Variants in CELF2 observed in about 807,000 individuals in gnomAD.
CELF2 encodes CUG triplet repeat RNA-binding protein 2.
Under a neutral mutation model 62.6 loss-of-function variants are expected in CELF2, and 8 were observed. The ratio of observed to expected loss-of-function variants is 0.13; its 90% CI spans 0.07 to 0.23. The LOEUF (loss-of-function observed/expected upper bound fraction) is 0.23. CELF2 is among the 10% of genes least tolerant of loss of function. The pLI is 1.00. For synonymous variants in CELF2, 258 were observed against 250.0 expected (o/e 1.03, Z -0.30); for missense variants, 333 against 671.0 (o/e 0.50, Z 5.56).
chr10:10,564,014 T>C, the CELF2 span, among the ~76,000 whole-genome samples: 1 of 152,216 alleles, frequency 6.6e-6, no homozygotes, highest in South Asian at 2.1e-4. Context: ...GTGTTTGTTT[T>C]CTCATTAAAA....
chr10:10,837,263 T>TGATATTTTTAA (rs1316482376), intron 1 of CELF2, among the ~76,000 whole-genome samples: 3 of 152,206 alleles, frequency 2.0e-5, no homozygotes, highest in Non-Finnish European at 4.4e-5. Context: ...TGAGATCTAA[T>TGATATTTTTAA]GATATTTTTA....
rs76747601 is a variant in CELF2, at chr10:11,126,111, C to G, written c.75-39375C>G. On this transcript the variant is annotated intron_variant, in intron 1 of 12. Coordinates refer to ENST00000633077, the MANE Select transcript of CELF2 (RefSeq NM_001326342.2). ...CCTTTGAGTAGTCAAGATACGCTGT[C>G]TGGAAGACAATGACCAAGTAAGGAT... Among the ~76,000 whole-genome samples the G allele has an allele frequency of 7.5e-3, 1,142 of 152,352 alleles. 12 individuals are homozygous for G. The highest frequency in any genetic ancestry group is 0.026 in the African/African-American group (1,099 of 41,586).
the CELF2 span, among the ~76,000 whole-genome samples, chr10:10,638,691 A>T: frequency 6.6e-6 from 1 of 152,228 alleles, no homozygotes; most frequent in Non-Finnish European, 1.5e-5. Flanking sequence ...ACAAGTCATT[A>T]GCCACAGGTG....
At chr10:10,905,747 G>A (rs989855590) in intron 1 of CELF2, among the ~76,000 whole-genome samples, 10 of 152,068 alleles carry the variant, frequency 6.6e-5, no homozygotes, top group Admixed American at 2.0e-4. Context: ...GTGTGGTGGC[G>A]GGCAACTGTA....
intron 4 of CELF2, among the ~76,000 whole-genome samples, chr10:11,250,996 T>C (rs2076955258): frequency 6.6e-6 from 1 of 152,166 alleles, no homozygotes; most frequent in African/African-American, 2.4e-5. Flanking sequence ...ACTTCCTTGG[T>C]GGGAGACACG....
At chr10:10,880,929 G>A (rs971605624) in intron 1 of CELF2, among the ~76,000 whole-genome samples, 1 of 152,140 alleles carries the variant, frequency 6.6e-6, no homozygotes, top group Non-Finnish European at 1.5e-5. Context: ...AAGGATTCAA[G>A]GACTACCATT....
intron 2 of CELF2, among the ~76,000 whole-genome samples, chr10:11,208,236 C>A (rs2060908443): frequency 6.6e-6 from 1 of 151,720 alleles, no homozygotes; most frequent in Non-Finnish European, 1.5e-5. Flanking sequence ...AAGAGAAAAC[C>A]TCCCCTTGGC....
chr10:10,800,343 G>T (rs567393920), intron 1 of CELF2, among the ~76,000 whole-genome samples: 2 of 151,890 alleles, frequency 1.3e-5, no homozygotes. Context: ...ATAAAGCACC[G>T]TAATATTAAT....
chr10:10,476,824 A>C, the CELF2 span, among the ~76,000 whole-genome samples: 2 of 152,140 alleles, frequency 1.3e-5, no homozygotes, highest in African/African-American at 4.8e-5. Context: ...CAGAGTTAGC[A>C]AACTATCAGT....
chr10:11,138,716 T>C (rs915442314), intron 1 of CELF2, among the ~76,000 whole-genome samples: 1 of 152,252 alleles, frequency 6.6e-6, no homozygotes, highest in South Asian at 2.1e-4. Flanking sequence ...GAAGCCAAGA[T>C]GCTAAAATGA....
In CELF2 at chr10:11,028,763, A is replaced by T. The variant is rs1167074310; in HGVS notation, c.74+10600A>T. On this transcript the variant is annotated intron_variant, in intron 1 of 12. Coordinates refer to ENST00000633077, the MANE Select transcript of CELF2 (RefSeq NM_001326342.2). ...GAGATGGAATCTTGCTCTGTTGCCC[A>T]GGCTAGAGTGCAGTGGTGCGATCTT... is the stretch of plus-strand genomic sequence containing the variant. 1.7e-4 allele frequency among the ~76,000 whole-genome samples: 23 copies of T among 138,258 alleles called. 1 individual carries two copies. In the East Asian group the frequency reaches 2.1e-3, roughly 13 times the overall value. The allele number at this position is 138,258 out of a possible 152,430, so 90.7% of individuals were successfully genotyped here.
the CELF2 span, among the ~76,000 whole-genome samples, chr10:10,765,766 G>A: frequency 1.3e-5 from 2 of 152,156 alleles, no homozygotes; most frequent in East Asian, 3.9e-4. Flanking sequence ...TTATCTGAAG[G>A]GCGGATCCAG....
chr10:11,175,062 G>GCCCC (rs10629889), intron 2 of CELF2, among the ~76,000 whole-genome samples: 5 of 143,100 alleles, frequency 3.5e-5, no homozygotes, highest in African/African-American at 1.3e-4. Flanking sequence ...TTTAAAGTCT[G>GCCCC]CCCCCCCGCC....
intron 1 of CELF2, among the ~76,000 whole-genome samples, chr10:11,161,384 G>A (rs923207902): frequency 6.6e-6 from 1 of 152,200 alleles, no homozygotes; most frequent in Non-Finnish European, 1.5e-5. Context: ...GTGCGCATGT[G>A]TCTGGGGCCT....
At chr10:10,487,686 A>G in the CELF2 span, among the ~76,000 whole-genome samples, 2 of 152,182 alleles carry the variant, frequency 1.3e-5, no homozygotes, top group Admixed American at 1.3e-4. Context: ...ATACTAGACA[A>G]TTTAACTGGT....
chr10:10,819,328 A>G (rs1221708946), intron 1 of CELF2, among the ~76,000 whole-genome samples: 1 of 152,234 alleles, frequency 6.6e-6, no homozygotes, highest in Non-Finnish European at 1.5e-5. Context: ...AACTAAGGTC[A>G]GACGCAGCGC....
the CELF2 span, among the ~76,000 whole-genome samples, chr10:10,572,701 G>A: frequency 6.6e-6 from 1 of 152,058 alleles, no homozygotes; most frequent in Non-Finnish European, 1.5e-5. Flanking sequence ...TCCTTTTTAT[G>A]GCTGCATAAT....
the CELF2 span, among the ~76,000 whole-genome samples, chr10:10,601,109 G>A: frequency 2.2e-4 from 34 of 152,156 alleles, 1 homozygote; most frequent in Admixed American, 2.0e-3. Flanking sequence ...GAGATCTGTC[G>A]GCTCCAGAAA....
chr10:10,564,345 G>C, the CELF2 span, among the ~76,000 whole-genome samples: 1 of 152,156 alleles, frequency 6.6e-6, no homozygotes, highest in African/African-American at 2.4e-5. Context: ...AGGAAGAGCT[G>C]GGTGGAGTCC....
Sources: allele counts gnomAD v4.1 joint callset (sites outside exome capture counted in the v4.1 genomes callset), GRCh38; gene constraint gnomAD v4.1.1; transcripts MANE v1.5; gene names NCBI Gene and HGNC (gene_info 2026-07-23, HGNC 2026-07-21).